Variants in ANO5 observed in about 807,000 individuals in gnomAD.
The protein encoded by ANO5 is anoctamin 5, also known as anoctamin-5.
In ANO5, 109 loss-of-function variants were observed where a neutral mutation model predicts 121.0. The ratio of observed to expected loss-of-function variants is 0.90; its 90% CI spans 0.77 to 1.06. ANO5 has a LOEUF of 1.06. Ranked by LOEUF, ANO5 falls within the 50% of genes least tolerant of loss-of-function variation. ANO5 has a pLI of 0.00. For synonymous variants in ANO5, 406 were observed against 359.9 expected (o/e 1.13, Z -1.45); for missense variants, 1,064 against 1,078.5 (o/e 0.99, Z 0.19).
chr11:22,251,135 G>A (rs1241180744), intron 12 of ANO5, 124 bp downstream of exon 12: 1 of 1,014,096 alleles, frequency 9.9e-7, no homozygotes, highest in Non-Finnish European at 1.5e-6. Context: ...TTGTGTCTTT[G>A]TTAGCATTAA....
intron 14 of ANO5, among the ~76,000 whole-genome samples, chr11:22,258,697 A>T (rs556442445): frequency 1.3e-5 from 2 of 152,334 alleles, no homozygotes; most frequent in South Asian, 4.1e-4. Flanking sequence ...AAAATAAGTG[A>T]TCTTGATTCT....
At chr11:22,241,093 G>C (rs1486272455) in intron 9 of ANO5, among the ~76,000 whole-genome samples, 1 of 151,486 alleles carries the variant, frequency 6.6e-6, no homozygotes, top group Non-Finnish European at 1.5e-5. Context: ...TATATTGCAC[G>C]ATGCTGAGGT....
intron 1 of ANO5, among the ~76,000 whole-genome samples, chr11:22,203,072 T>C (rs2133517219): frequency 6.6e-6 from 1 of 152,252 alleles, no homozygotes; most frequent in South Asian, 2.1e-4. Context: ...TTCAGTTTCA[T>C]TCGCCAGTTT....
intron 4 of ANO5, among the ~76,000 whole-genome samples, chr11:22,220,258 A>C (rs535827654): frequency 6.6e-6 from 1 of 152,174 alleles, no homozygotes; most frequent in African/African-American, 2.4e-5. Flanking sequence ...TGTATTATCT[A>C]TTTGCATAAT....
intron 1 of ANO5, among the ~76,000 whole-genome samples, chr11:22,194,566 A>G (rs1851750795): frequency 6.6e-6 from 1 of 152,198 alleles, no homozygotes; most frequent in African/African-American, 2.4e-5. Context: ...GAACACTTTC[A>G]TCACCCCAAA....
intron 5 of ANO5, among the ~76,000 whole-genome samples, chr11:22,222,274 C>T (rs903172897): frequency 6.6e-6 from 1 of 151,960 alleles, no homozygotes; most frequent in East Asian, 1.9e-4. Context: ...TATTCCTCAA[C>T]AATTTTACCT....
intron 16 of ANO5, among the ~76,000 whole-genome samples, 173 bp from the exon 17 acceptor site, chr11:22,262,773 C>G (rs904567663): frequency 1.3e-5 from 2 of 152,224 alleles, no homozygotes; most frequent in African/African-American, 2.4e-5. Flanking sequence ...TCTAATGCAG[C>G]TAGCCTGGCA....
chr11:22,212,928 A>C (rs951728780), intron 3 of ANO5, among the ~76,000 whole-genome samples: 1 of 151,388 alleles, frequency 6.6e-6, no homozygotes, highest in Non-Finnish European at 1.5e-5. Flanking sequence ...TTAAATACAT[A>C]TAATTTAATT....
At chr11:22,222,771 A>G (rs73481621) in intron 5 of ANO5, among the ~76,000 whole-genome samples, 6,524 of 144,516 alleles carry the variant, frequency 0.045, 469 homozygotes, top group African/African-American at 0.16. Context: ...AAAACTTACA[A>G]TTTACTGACT....
intron 12 of ANO5, among the ~76,000 whole-genome samples, chr11:22,252,907 G>T (rs1853874430): frequency 6.6e-6 from 1 of 151,982 alleles, no homozygotes; most frequent in East Asian, 1.9e-4. Flanking sequence ...CACATACATG[G>T]TCCTTGATTT....
rs772302608 is a variant in ANO5, at chr11:22,250,828, T to C, written c.1101T>C (p.Ser367=). The C allele has an allele frequency of 6.2e-7, 1 of 1,614,038 alleles. No homozygotes were observed. The highest frequency in any genetic ancestry group is 1.7e-5 in the Admixed American group (1 of 60,020). Residue 367 remains serine (S), a synonymous_variant, in exon 11 of 22, where the codon AGT becomes AGC. Coordinates refer to ENST00000324559, the MANE Select transcript of ANO5 (RefSeq NM_213599.3). The stretch of plus-strand genomic sequence containing the variant: ...TGTGTGATTATTGGAGACTAAATAG[T>C]ACGTGTTTGGCTTCAAAGGTATGTA... ...DQVCDYWRLN[S]TCLASKFSHL...
chr11:22,237,167 T>A (rs1473362007), intron 8 of ANO5, among the ~76,000 whole-genome samples: 1 of 152,198 alleles, frequency 6.6e-6, no homozygotes, highest in Non-Finnish European at 1.5e-5. Flanking sequence ...TCTTCCATAC[T>A]TAAAAAGACT....
intron 12 of ANO5, among the ~76,000 whole-genome samples, chr11:22,252,721 T>C (rs1340092216): frequency 6.6e-6 from 1 of 152,196 alleles, no homozygotes; most frequent in Non-Finnish European, 1.5e-5. Context: ...TTTCTTGTTT[T>C]TGTGTTTCTT....
At chr11:22,266,727 T>C (rs1854379509) in intron 17 of ANO5, among the ~76,000 whole-genome samples, 1 of 152,222 alleles carries the variant, frequency 6.6e-6, no homozygotes, top group South Asian at 2.1e-4. Flanking sequence ...AATGTTATCT[T>C]TTTATTTTTT....
In ANO5 at chr11:22,262,321, A is replaced by G. The variant is rs77153376; in HGVS notation, c.1800+23A>G. On this transcript the variant is annotated intron_variant, in intron 16 of 21. Coordinates refer to ENST00000324559, the MANE Select transcript of ANO5 (RefSeq NM_213599.3). ...GAGGTAAGAATTTCCTTGAGAGTTG[A>G]GGTGTGTAGCTTCAATACCTCAGTA... The G allele has an allele frequency of 2.0e-3, 3,172 of 1,611,248 alleles. 68 individuals carry two copies. In the African/African-American group the frequency reaches 0.038, roughly 19 times the overall value.
chr11:22,194,915 A>G (rs1043993169), intron 1 of ANO5, among the ~76,000 whole-genome samples: 8 of 152,216 alleles, frequency 5.3e-5, no homozygotes, highest in Admixed American at 4.6e-4. Flanking sequence ...CAGTTTTCAT[A>G]TGAACATATG....
At chr11:22,209,060 A>G (rs576610339) in intron 2 of ANO5, among the ~76,000 whole-genome samples, 4 of 152,086 alleles carry the variant, frequency 2.6e-5, no homozygotes, top group Non-Finnish European at 5.9e-5. Context: ...GATATGATGA[A>G]TGTTTTTAGG....
At chr11:22,257,404 T>A (rs1854038015) in intron 13 of ANO5, among the ~76,000 whole-genome samples, 1 of 152,222 alleles carries the variant, frequency 6.6e-6, no homozygotes, top group African/African-American at 2.4e-5. Flanking sequence ...TGACTTTATT[T>A]ACTCAGTGCC....
intron 7 of ANO5, among the ~76,000 whole-genome samples, chr11:22,227,808 T>C (rs747512719): frequency 2.6e-5 from 4 of 152,086 alleles, no homozygotes; most frequent in Non-Finnish European, 5.9e-5. Flanking sequence ...GTTGATGGTA[T>C]GGATGTAGTA....
Sources: allele counts gnomAD v4.1 joint callset (sites outside exome capture counted in the v4.1 genomes callset), GRCh38; gene constraint gnomAD v4.1.1; transcripts MANE v1.5; gene names NCBI Gene and HGNC (gene_info 2026-07-23, HGNC 2026-07-21).